The following SOX6 variants were observed in gnomAD, a reference collection of about 807,000 sequenced individuals.
SOX6 encodes the protein transcription factor SOX-6.
SOX6 carries 11 observed loss-of-function variants against 97.8 expected under a neutral mutation model. That is an observed-to-expected ratio of 0.11 (90% CI 0.07 to 0.19). SOX6 has a LOEUF of 0.19. SOX6 is among the 10% of genes least tolerant of loss of function. SOX6 has a pLI of 1.00. For missense variants in SOX6, 810 were observed against 1,039.5 expected, an observed-to-expected ratio of 0.78 and a Z score of 3.04; for synonymous variants, 360 against 371.4, an observed-to-expected ratio of 0.97 and a Z score of 0.35.
In SOX6 at chr11:16,521,700, A is replaced by G. The variant is rs185899332; in HGVS notation, n.610-45312T>C. Among the ~76,000 whole-genome samples the G allele has an allele frequency of 7.4e-4, 113 of 152,334 alleles. 1 individual carries two copies. Among genetic ancestry groups the G allele is most frequent in the African/African-American group, 2.5e-3 (104 of 41,584 alleles). On this transcript the variant is annotated intron_variant and non_coding_transcript_variant, in intron 4 of 5. Coordinates refer to the SOX6 transcript ENST00000524520. Reference sequence around the variant, plus strand: ...TACTCCGAGCTACAGGAGGAAACTCAAACCAAAGGCAAAGAAGTTAAAAAC... The same window carrying G: ...TACTCCGAGCTACAGGAGGAAACTCGAACCAAAGGCAAAGAAGTTAAAAAC...
At chr11:15,983,649 AC>A (rs1853739279) in intron 15 of SOX6, among the ~76,000 whole-genome samples, 1 of 152,138 alleles carries the variant, frequency 6.6e-6, no homozygotes. Context: ...AAAAGAGAAT[AC>A]AAATCCTTAA....
At chr11:16,058,185 C>T (rs755343467) in intron 9 of SOX6, among the ~76,000 whole-genome samples, 7 of 151,842 alleles carry the variant, frequency 4.6e-5, no homozygotes, top group Non-Finnish European at 8.8e-5. Flanking sequence ...AGAGTTTTTG[C>T]AACTTCATCT....
chr11:16,107,387 ATATATATG>A (rs1388035212), intron 7 of SOX6, among the ~76,000 whole-genome samples: 1 of 143,274 alleles, frequency 7.0e-6, no homozygotes, highest in African/African-American at 2.7e-5. Context: ...ATCTGTATAC[ATATATATG>A]TATATATATG....
intron 1 of SOX6, among the ~76,000 whole-genome samples, chr11:16,389,927 G>A (rs1046426149): frequency 1.2e-4 from 15 of 128,624 alleles, no homozygotes; most frequent in African/African-American, 3.9e-4. Flanking sequence ...CCGAGATGGC[G>A]CCACTGCAGT....
rs1031090426 is a variant in SOX6, at chr11:15,968,282, G to T, written c.*4527C>A. 6.6e-6 allele frequency: 1 copy of T among 152,180 alleles called. No individual in the cohort carries two copies. The highest frequency in any genetic ancestry group is 2.4e-5 in the African/African-American group (1 of 41,430). The allele number at this position is 152,180 out of a possible 1,614,324, so 9.4% of individuals were successfully genotyped here. On this transcript the variant is annotated 3_prime_UTR_variant, in exon 16 of 16. Coordinates refer to ENST00000683767, the MANE Select transcript of SOX6 (RefSeq NM_001367873.1). The stretch of plus-strand genomic sequence containing the variant: ...GTGTACAAAATCAGGCAGGGCTACA[G>T]CAACCATTTTTGTCATTTTCTCATT...
intron 4 of SOX6, among the ~76,000 whole-genome samples, chr11:16,531,580 G>A (rs1309177094): frequency 6.6e-6 from 1 of 151,480 alleles, no homozygotes; most frequent in Non-Finnish European, 1.5e-5. Context: ...AGGTCTACTT[G>A]CAGCTGTCAC....
intron 2 of SOX6, among the ~76,000 whole-genome samples, chr11:16,320,505 A>G (rs556111006): frequency 1.3e-5 from 2 of 152,288 alleles, no homozygotes; most frequent in East Asian, 1.9e-4. Flanking sequence ...TTGAAAGCAC[A>G]TAATGAGATT....
At chr11:16,432,683 AGAG>A (rs1859293964) in intron 1 of SOX6, among the ~76,000 whole-genome samples, 1 of 152,012 alleles carries the variant, frequency 6.6e-6, no homozygotes, top group Non-Finnish European at 1.5e-5. Flanking sequence ...CTGGGCATCT[AGAG>A]ATTCTAATTC....
intron 4 of SOX6, among the ~76,000 whole-genome samples, chr11:16,601,048 GA>G (rs979487548): frequency 6.6e-6 from 1 of 151,070 alleles, no homozygotes; most frequent in Non-Finnish European, 1.5e-5. Flanking sequence ...TCCTTATTAG[GA>G]AAAAAAACAG....
intron 7 of SOX6, among the ~76,000 whole-genome samples, chr11:16,109,430 G>C (rs977119440): frequency 1.3e-5 from 2 of 152,094 alleles, no homozygotes; most frequent in Admixed American, 6.5e-5. Flanking sequence ...GAACTCCTGG[G>C]CTTGAGTGAT....
intron 12 of SOX6, among the ~76,000 whole-genome samples, chr11:16,044,338 A>T (rs1240269829): frequency 6.6e-6 from 1 of 152,236 alleles, no homozygotes; most frequent in Admixed American, 6.5e-5. Context: ...CAAAGAACAA[A>T]TTCATAAATC....
chr11:16,495,698 G>A (rs1358719256), intron 4 of SOX6, among the ~76,000 whole-genome samples: 1 of 152,102 alleles, frequency 6.6e-6, no homozygotes, highest in Non-Finnish European at 1.5e-5. Context: ...ACTGGCCAGG[G>A]ACCCAAAGAC....
At chr11:16,381,301 G>A (rs559936453) in intron 1 of SOX6, among the ~76,000 whole-genome samples, 30 of 152,080 alleles carry the variant, frequency 2.0e-4, no homozygotes, top group African/African-American at 5.1e-4. Context: ...AAGAACTGGG[G>A]ACCAAATTTC....
At chr11:16,583,620 T>TATATATATATATATAC (rs1565186431) in intron 4 of SOX6, among the ~76,000 whole-genome samples, 9 of 136,936 alleles carry the variant, frequency 6.6e-5, no homozygotes, top group East Asian at 2.0e-4. Flanking sequence ...TATACATATA[T>TATATATATATATATAC]ATATATATAT....
At chr11:16,459,433 T>A (rs1006967961) in intron 1 of SOX6, among the ~76,000 whole-genome samples, 2 of 152,006 alleles carry the variant, frequency 1.3e-5, no homozygotes, top group Non-Finnish European at 2.9e-5. Context: ...AATAAAAATT[T>A]ACCAGCCATA....
intron 3 of SOX6, among the ~76,000 whole-genome samples, chr11:16,689,541 A>G (rs1182440311): frequency 2.6e-5 from 4 of 152,206 alleles, no homozygotes; most frequent in Non-Finnish European, 5.9e-5. Flanking sequence ...CCCGATGCCT[A>G]CTAGTCCATC....
chr11:16,722,308 C>T (rs1255875978), intron 2 of SOX6, among the ~76,000 whole-genome samples: 1 of 152,128 alleles, frequency 6.6e-6, no homozygotes, highest in African/African-American at 2.4e-5. Flanking sequence ...CTATAAGGAA[C>T]TTAAATAAAC....
chr11:16,138,963 GGGTT>G (rs1327815676), intron 6 of SOX6, among the ~76,000 whole-genome samples: 1 of 152,074 alleles, frequency 6.6e-6, no homozygotes, highest in African/African-American at 2.4e-5. Context: ...TTGGACATTT[GGGTT>G]GGTTTTGGAG....
chr11:16,137,318 C>T (rs949734610), intron 6 of SOX6, among the ~76,000 whole-genome samples: 7 of 152,026 alleles, frequency 4.6e-5, no homozygotes, highest in African/African-American at 1.4e-4. Context: ...CTCAGCTACT[C>T]GGGATGCTGA....
Sources: allele counts gnomAD v4.1 joint callset (sites outside exome capture counted in the v4.1 genomes callset), GRCh38; gene constraint gnomAD v4.1.1; transcripts MANE v1.5; gene names NCBI Gene and HGNC (gene_info 2026-07-23, HGNC 2026-07-21).